C8orf34: variants seen among roughly 807,000 people sequenced by gnomAD.
C8orf34 encodes uncharacterized protein C8orf34.
In C8orf34, 65 loss-of-function variants were observed where a neutral mutation model predicts 68.3. That is an observed-to-expected ratio of 0.95 (90% CI 0.78 to 1.17). C8orf34 has a LOEUF of 1.17. C8orf34 is among the 50% of genes most tolerant of loss of function. C8orf34 has a pLI of 0.00. For synonymous variants in C8orf34, 244 were observed against 241.2 expected, an observed-to-expected ratio of 1.01 and a Z score of -0.11; for missense variants, 664 against 655.4, an observed-to-expected ratio of 1.01 and a Z score of -0.14.
At chr8:68,632,098 G>A (rs1585643906) in intron 7 of C8orf34, among the ~76,000 whole-genome samples, 1 of 152,272 alleles carries the variant, frequency 6.6e-6, no homozygotes, top group East Asian at 1.9e-4. Flanking sequence ...GGGAAAGTTT[G>A]GAACTTCCTA....
intron 7 of C8orf34, among the ~76,000 whole-genome samples, chr8:68,553,520 C>T (rs751652633): frequency 2.0e-5 from 3 of 151,294 alleles, no homozygotes; most frequent in East Asian, 1.9e-4. Context: ...TTTTAAATTG[C>T]GATTCAATCC....
chr8:68,693,624 T>G (rs1294244555), intron 8 of C8orf34, among the ~76,000 whole-genome samples: 1 of 152,130 alleles, frequency 6.6e-6, no homozygotes, highest in Non-Finnish European at 1.5e-5. Flanking sequence ...AATGCATAGG[T>G]ACTGGTTTGA....
intron 10 of C8orf34, among the ~76,000 whole-genome samples, chr8:68,775,116 G>C (rs1392205478): frequency 1.3e-5 from 2 of 150,106 alleles, no homozygotes; most frequent in African/African-American, 4.9e-5. Context: ...TCCAGTCCAA[G>C]CGATGCTTCT....
intron 10 of C8orf34, among the ~76,000 whole-genome samples, chr8:68,753,118 A>T (rs1263041069): frequency 6.6e-6 from 1 of 152,210 alleles, no homozygotes; most frequent in African/African-American, 2.4e-5. Context: ...AGAAAATGAC[A>T]GCATATTTTA....
chr8:68,661,310 C>T (rs967612576), intron 8 of C8orf34, among the ~76,000 whole-genome samples: 15 of 152,182 alleles, frequency 9.9e-5, no homozygotes, highest in Admixed American at 3.3e-4. Context: ...GAGGAAGGCT[C>T]GGAAATGAAA....
At chr8:68,405,063 T>C (rs1290721272) in intron 1 of C8orf34, among the ~76,000 whole-genome samples, 1 of 152,196 alleles carries the variant, frequency 6.6e-6, no homozygotes, top group East Asian at 1.9e-4. Context: ...TTTGTAGCTC[T>C]CCTTGAAGAG....
At chr8:68,788,219 C>T (rs550899146) in intron 12 of C8orf34, among the ~76,000 whole-genome samples, 2 of 152,244 alleles carry the variant, frequency 1.3e-5, no homozygotes, top group Admixed American at 6.5e-5. Context: ...GATAATGTAG[C>T]CCTCATGATA....
chr8:68,675,306 A>T (rs1820149268), intron 8 of C8orf34, among the ~76,000 whole-genome samples: 1 of 152,198 alleles, frequency 6.6e-6, no homozygotes, highest in Admixed American at 6.6e-5. Flanking sequence ...TAAACTATTC[A>T]TATCTTGAGT....
Position 68,641,783 on chromosome 8 carries a change from C to A in C8orf34, c.1241+1272C>A, listed in dbSNP as rs1056912672. Among the ~76,000 whole-genome samples, 10 of 152,122 alleles carry A rather than the reference C, an allele frequency of 6.6e-5. No homozygotes were observed. In the East Asian group the frequency reaches 1.9e-3, roughly 29 times the overall value. On this transcript the variant is annotated intron_variant, in intron 8 of 13. Transcript: ENST00000518698. ...TTGAGGATTTGAACTGTGAAAGGAC[C>A]AAGCACATTTTTAGCCCTAAATTAT... is the stretch of plus-strand genomic sequence containing the variant.
intron 10 of C8orf34, among the ~76,000 whole-genome samples, chr8:68,761,540 C>T (rs1823024142): frequency 6.6e-6 from 1 of 152,158 alleles, no homozygotes; most frequent in Non-Finnish European, 1.5e-5. Context: ...TTCAGTTAAA[C>T]ACAATACTCT....
intron 10 of C8orf34, among the ~76,000 whole-genome samples, chr8:68,752,047 C>G (rs886786448): frequency 1.3e-5 from 2 of 152,112 alleles, no homozygotes; most frequent in African/African-American, 2.4e-5. Flanking sequence ...ATGTGGAGAA[C>G]TCTAACAGCA....
chr8:68,343,477 G>A (rs1806155236), intron 1 of C8orf34, among the ~76,000 whole-genome samples: 1 of 152,058 alleles, frequency 6.6e-6, no homozygotes, highest in African/African-American at 2.4e-5. Flanking sequence ...AGGTTGGAGT[G>A]CAGTGGCATG....
chr8:68,684,004 C>T (rs1820443123), intron 8 of C8orf34, among the ~76,000 whole-genome samples: 2 of 152,136 alleles, frequency 1.3e-5, no homozygotes, highest in Admixed American at 6.6e-5. Context: ...AAACAAAAAA[C>T]CTATAAAAAT....
At chr8:68,530,661 T>G in intron 6 of C8orf34, 1 of 1,164,182 alleles carries the variant, frequency 8.6e-7, no homozygotes, top group South Asian at 1.6e-5. Flanking sequence ...CTAAATAAAC[T>G]TCTTCCTTCC....
chr8:68,626,370 GT>G (rs1818538523), intron 7 of C8orf34, among the ~76,000 whole-genome samples: 1 of 152,166 alleles, frequency 6.6e-6, no homozygotes. Context: ...TGTCAATTTA[GT>G]TTTGTGCATT....
chr8:68,410,234 G>C (rs1398954194), intron 1 of C8orf34, among the ~76,000 whole-genome samples: 2 of 152,148 alleles, frequency 1.3e-5, no homozygotes, highest in Non-Finnish European at 2.9e-5. Context: ...GAGTTGGGTA[G>C]AGAGGTTAGC....
chr8:68,378,207 C>T (rs1027958334), intron 1 of C8orf34, among the ~76,000 whole-genome samples: 2 of 152,110 alleles, frequency 1.3e-5, no homozygotes, highest in Non-Finnish European at 2.9e-5. Context: ...CCCCATTTTC[C>T]ATGTTCTGTG....
At chr8:68,593,491 G>A (rs1157609243) in intron 7 of C8orf34, among the ~76,000 whole-genome samples, 1 of 151,870 alleles carries the variant, frequency 6.6e-6, no homozygotes, top group Non-Finnish European at 1.5e-5. Flanking sequence ...CATTTGCATG[G>A]AGGACTTTTT....
chr8:68,737,066 T>C (rs1036914568), intron 10 of C8orf34, among the ~76,000 whole-genome samples: 1 of 152,132 alleles, frequency 6.6e-6, no homozygotes, highest in Non-Finnish European at 1.5e-5. Flanking sequence ...CAACTATAAG[T>C]AATAGGATTT....
Sources: gnomAD v4.1 joint callset for allele counts (sites outside exome capture counted in the v4.1 genomes callset) on GRCh38, gnomAD v4.1.1 for gene constraint, MANE v1.5 for transcripts, NCBI Gene and HGNC (gene_info 2026-07-23, HGNC 2026-07-21) for gene names.